The following CAST variants were observed in gnomAD, a reference collection of about 807,000 sequenced individuals.
CAST encodes MIR583 host.
Under a neutral mutation model 119.6 loss-of-function variants are expected in CAST, and 76 were observed. That is an observed-to-expected ratio of 0.64 (90% confidence interval 0.53 to 0.77). CAST has a LOEUF of 0.77. CAST is among the 30% of genes least tolerant of loss of function. The probability of loss-of-function intolerance (pLI) is 0.00; values close to 1 mark genes in which losing one functional copy is unlikely to be tolerated. For synonymous variants in CAST, 319 were observed against 331.6 expected, an observed-to-expected ratio of 0.96 and a Z score of 0.41; for missense variants, 953 against 946.5, an observed-to-expected ratio of 1.01 and a Z score of -0.09.
chr5:96,685,617 T>C (rs1190493631), intron 2 of CAST, among the ~76,000 whole-genome samples: 1 of 152,248 alleles, frequency 6.6e-6, no homozygotes, highest in Non-Finnish European at 1.5e-5. Flanking sequence ...TTAGTAAATG[T>C]GTAGAGCATT....
the CAST span, among the ~76,000 whole-genome samples, chr5:96,133,767 G>C: frequency 6.6e-6 from 1 of 152,124 alleles, no homozygotes; most frequent in African/African-American, 2.4e-5. Flanking sequence ...GTTACACAAA[G>C]ACTGATGTAC....
chr5:96,240,932 A>G, the CAST span, among the ~76,000 whole-genome samples: 1 of 152,078 alleles, frequency 6.6e-6, no homozygotes. Context: ...TCACATATTG[A>G]ATACTATACA....
chr5:96,702,880 C>T, intron 3 of CAST: 9 of 985,510 alleles, frequency 9.1e-6, no homozygotes, highest in Non-Finnish European at 1.1e-5. Flanking sequence ...TCCTGAAAAC[C>T]AAGCCGAGGA....
chr5:96,482,166 A>T, the CAST span, among the ~76,000 whole-genome samples: 1 of 152,108 alleles, frequency 6.6e-6, no homozygotes, highest in Admixed American at 6.6e-5. Flanking sequence ...TATCCATAGC[A>T]CTAAAAATAT....
At chr5:96,487,065 G>A in the CAST span, among the ~76,000 whole-genome samples, 18 of 151,388 alleles carry the variant, frequency 1.2e-4, no homozygotes, top group Non-Finnish European at 2.2e-4. Context: ...GTATGTGAGG[G>A]CGCTTTTGGT....
At chr5:96,087,951 T>G in the CAST span, among the ~76,000 whole-genome samples, 1 of 152,308 alleles carries the variant, frequency 6.6e-6, no homozygotes, top group South Asian at 2.1e-4. Flanking sequence ...AAACCTACAC[T>G]TAAGCATCAG....
chr5:96,412,690 T>C, the CAST span, among the ~76,000 whole-genome samples: 1 of 151,556 alleles, frequency 6.6e-6, no homozygotes, highest in Non-Finnish European at 1.5e-5. Flanking sequence ...CCCCATAAGC[T>C]TTTTTGTCGC....
chr5:96,006,797 T>G, the CAST span, among the ~76,000 whole-genome samples: 1 of 152,246 alleles, frequency 6.6e-6, no homozygotes, highest in East Asian at 1.9e-4. Context: ...CAGGATTACT[T>G]ATTTCCTTAT....
At chr5:95,961,571 T>A in the CAST span, 1 of 1,581,888 alleles carries the variant, frequency 6.3e-7, no homozygotes, top group Non-Finnish European at 8.6e-7. Flanking sequence ...GCCGGCCCGC[T>A]CACCTTGTGG....
intron 30 of CAST, 87 bp downstream of exon 30, chr5:96,770,689 G>A: frequency 1.1e-6 from 1 of 884,428 alleles, no homozygotes; most frequent in East Asian, 2.5e-5. Flanking sequence ...TTTCCTACTG[G>A]AATCTATTTA....
the CAST span, among the ~76,000 whole-genome samples, chr5:96,465,713 T>C: frequency 6.6e-6 from 1 of 152,154 alleles, no homozygotes; most frequent in East Asian, 1.9e-4. Context: ...AGATATTCTT[T>C]GTCCAATTGA....
the CAST span, among the ~76,000 whole-genome samples, chr5:96,251,969 T>C: frequency 6.6e-6 from 1 of 152,110 alleles, no homozygotes; most frequent in Non-Finnish European, 1.5e-5. Flanking sequence ...TGTAAACTCA[T>C]CTATCTGGTT....
At chr5:96,108,158 C>T in the CAST span, among the ~76,000 whole-genome samples, 12 of 152,174 alleles carry the variant, frequency 7.9e-5, no homozygotes, top group South Asian at 4.2e-4. Flanking sequence ...ACTTCTTTGC[C>T]TTTGGTTTGA....
the CAST span, among the ~76,000 whole-genome samples, chr5:96,095,208 G>A: frequency 1.3e-5 from 2 of 152,044 alleles, no homozygotes; most frequent in African/African-American, 4.8e-5. Flanking sequence ...AAACACACTT[G>A]GTGTGGTTTG....
Position 96,750,599 on chromosome 5 carries a change from G to T in CAST, c.1441G>T (p.Ala481Ser), listed in dbSNP as rs546937644. The T allele has an allele frequency of 6.2e-7, 1 of 1,611,626 alleles. No individual in the cohort carries two copies. Among genetic ancestry groups the T allele is most frequent in the Admixed American group, 1.7e-5 (1 of 59,948 alleles). The change falls in exon 20 of 32, where the codon GCT becomes TCT. Residue 481 changes from alanine (A) to serine (S), a missense_variant. Coordinates refer to ENST00000675179, the MANE Select transcript of CAST (RefSeq NM_001750.7). ...TGTCTTTCCTCAGGAATCTAAGGCCGCTGCTCCAGCTCCTGTGTCGGAGGC... is the reference window on the plus strand; with the variant it reads ...TGTCTTTCCTCAGGAATCTAAGGCCTCTGCTCCAGCTCCTGTGTCGGAGGC... ...PTEKTEESKA[A>S]APAPVSEAVC...
At chr5:96,321,998 G>A in the CAST span, among the ~76,000 whole-genome samples, 1 of 152,104 alleles carries the variant, frequency 6.6e-6, no homozygotes, top group Non-Finnish European at 1.5e-5. Context: ...TTAAATACTT[G>A]GGATTTAAAT....
chr5:96,443,856 C>G, the CAST span, among the ~76,000 whole-genome samples: 1 of 152,192 alleles, frequency 6.6e-6, no homozygotes, highest in African/African-American at 2.4e-5. Flanking sequence ...ATACTTTAGT[C>G]TCAACTACAT....
At chr5:96,407,181 A>G in the CAST span, among the ~76,000 whole-genome samples, 49 of 152,362 alleles carry the variant, frequency 3.2e-4, no homozygotes, top group Non-Finnish European at 6.2e-4. Flanking sequence ...ACTGACAAAC[A>G]TAACTACATA....
intron 1 of CAST, among the ~76,000 whole-genome samples, chr5:96,674,372 A>G (rs1341970395): frequency 6.6e-6 from 1 of 151,520 alleles, no homozygotes; most frequent in Non-Finnish European, 1.5e-5. Context: ...TGACCTATAT[A>G]TCTAGGTTAT....
Sources: gnomAD v4.1 joint callset for allele counts (sites outside exome capture counted in the v4.1 genomes callset) on GRCh38, gnomAD v4.1.1 for gene constraint, MANE v1.5 for transcripts, NCBI Gene and HGNC (gene_info 2026-07-23, HGNC 2026-07-21) for gene names.